Variants in LINGO2 observed in about 807,000 individuals in gnomAD.
LINGO2 encodes leucine-rich repeat and immunoglobulin-like domain-containing nogo receptor-interacting protein 2.
LINGO2 carries 14 observed loss-of-function variants against 30.6 expected under a neutral mutation model. The observed-to-expected ratio is 0.46, with a 90% confidence interval of 0.30 to 0.72. The LOEUF (loss-of-function observed/expected upper bound fraction) is 0.72. Ranked by LOEUF, LINGO2 falls within the 30% of genes least tolerant of loss-of-function variation. The pLI is 0.07. For synonymous variants in LINGO2, 317 were observed against 288.5 expected (o/e 1.10, Z -1.00); for missense variants, 729 against 751.7 (o/e 0.97, Z 0.35).
intron 2 of LINGO2, among the ~76,000 whole-genome samples, chr9:28,421,642 T>C (rs1024424450): frequency 6.6e-6 from 1 of 152,076 alleles, no homozygotes; most frequent in East Asian, 1.9e-4. Flanking sequence ...AACCCACATA[T>C]GTGAAAAGTC....
At chr9:28,244,565 T>C (rs1211708245) in intron 4 of LINGO2, among the ~76,000 whole-genome samples, 1 of 151,598 alleles carries the variant, frequency 6.6e-6, no homozygotes, top group Non-Finnish European at 1.5e-5. Flanking sequence ...GCTAAACTAA[T>C]AAAGAAGAAA....
chr9:28,105,467 A>G (rs1375625028), intron 4 of LINGO2, among the ~76,000 whole-genome samples: 4 of 152,198 alleles, frequency 2.6e-5, no homozygotes, highest in Non-Finnish European at 5.9e-5. Context: ...TAAATACACG[A>G]GTAAGAAAAA....
chr9:28,032,419 C>G (rs1204511468), intron 4 of LINGO2, among the ~76,000 whole-genome samples: 120 of 152,222 alleles, frequency 7.9e-4, no homozygotes, highest in Middle Eastern at 3.4e-3. Flanking sequence ...CTGTCTTTGT[C>G]AACATTACAT....
chr9:28,669,307 T>C (rs1399926406), intron 1 of LINGO2, among the ~76,000 whole-genome samples: 2 of 151,846 alleles, frequency 1.3e-5, no homozygotes, highest in Admixed American at 1.3e-4. Flanking sequence ...AGAAAACTTC[T>C]TTTTTTTCAG....
chr9:28,335,340 A>T (rs966014050), intron 3 of LINGO2, among the ~76,000 whole-genome samples: 6 of 152,270 alleles, frequency 3.9e-5, no homozygotes, highest in Non-Finnish European at 8.8e-5. Context: ...GTCTTCACAG[A>T]ACCCTCCAGG....
At chr9:29,095,346 G>A in the LINGO2 span, among the ~76,000 whole-genome samples, 10 of 137,794 alleles carry the variant, frequency 7.3e-5, 2 homozygotes, top group Non-Finnish European at 9.4e-5. Flanking sequence ...AAAAATAATC[G>A]CTTTTATATA....
At chr9:28,632,675 T>G (rs1827006874) in intron 1 of LINGO2, among the ~76,000 whole-genome samples, 1 of 136,768 alleles carries the variant, frequency 7.3e-6, no homozygotes, top group Admixed American at 8.0e-5. Flanking sequence ...ATAAAATATC[T>G]ATATAAAAAT....
chr9:28,921,164 A>C, the LINGO2 span, among the ~76,000 whole-genome samples: 1 of 152,194 alleles, frequency 6.6e-6, no homozygotes, highest in African/African-American at 2.4e-5. Flanking sequence ...AAAAGATGTT[A>C]AACAAAATGA....
the LINGO2 span, among the ~76,000 whole-genome samples, chr9:28,883,628 G>GTGTGTGTATGTATATATA: frequency 3.1e-5 from 2 of 64,180 alleles, no homozygotes; most frequent in African/African-American, 1.2e-4. Context: ...ATGTGTGTGT[G>GTGTGTGTATGTATATATA]TATATATATA....
At chr9:28,344,733 T>C (rs960332571) in intron 3 of LINGO2, among the ~76,000 whole-genome samples, 1 of 152,136 alleles carries the variant, frequency 6.6e-6, no homozygotes, top group Non-Finnish European at 1.5e-5. Context: ...AATATTTGTT[T>C]GAACACAGAT....
At chr9:28,418,058 A>AT (rs771205355) in intron 2 of LINGO2, among the ~76,000 whole-genome samples, 7 of 152,076 alleles carry the variant, frequency 4.6e-5, no homozygotes, top group East Asian at 1.9e-4. Context: ...GAGAGGTTCC[A>AT]TTTTTTCCCC....
chr9:28,044,630 T>C (rs1824334671), intron 4 of LINGO2, among the ~76,000 whole-genome samples: 1 of 152,028 alleles, frequency 6.6e-6, no homozygotes, highest in South Asian at 2.1e-4. Context: ...TAAAGTATGG[T>C]ATGGTAGTTC....
At chr9:28,198,214 A>T (rs1483667577) in intron 4 of LINGO2, among the ~76,000 whole-genome samples, 1 of 151,516 alleles carries the variant, frequency 6.6e-6, no homozygotes, top group Admixed American at 6.6e-5. Context: ...ATGTTTTATT[A>T]AAAAATGATG....
At chr9:28,052,826 A>C (rs1271348551) in intron 4 of LINGO2, among the ~76,000 whole-genome samples, 1 of 152,106 alleles carries the variant, frequency 6.6e-6, no homozygotes, top group African/African-American at 2.4e-5. Context: ...GTTTTCTTAC[A>C]AGGGAAGTAA....
At position 28,148,219 on chromosome 9, in the gene LINGO2, G is replaced by T. The variant is rs1442591934; in HGVS notation, c.-86-135814C>A. 27 of 724,896 alleles carry T rather than the reference G, an allele frequency of 3.7e-5. No individual in the cohort carries two copies. Among genetic ancestry groups the T allele is most frequent in the Non-Finnish European group, 5.6e-5 (26 of 461,158 alleles). The allele number at this position is 724,896 out of a possible 1,614,324, so 44.9% of individuals were successfully genotyped here. On this transcript the variant is annotated intron_variant, in intron 4 of 5. Transcript: ENST00000379992. The surrounding 1 kb of genome is among the most constrained non-coding windows in gnomAD (Gnocchi z 5.1). ...GTTGGGACGGCGCCCCTATGAGGCT[G>T]TGTCTTATCCCTCGGAACATGGGCA... is the stretch of plus-strand genomic sequence containing the variant.
chr9:28,672,750 G>GA (rs1339803028), upstream of LINGO2, among the ~76,000 whole-genome samples: 1 of 152,114 alleles, frequency 6.6e-6, no homozygotes, highest in East Asian at 1.9e-4. Flanking sequence ...TTACAATGGA[G>GA]AGAATCCTGA....
At chr9:28,616,025 G>T (rs1161571304) in intron 1 of LINGO2, among the ~76,000 whole-genome samples, 1 of 152,028 alleles carries the variant, frequency 6.6e-6, no homozygotes, top group Non-Finnish European at 1.5e-5. Context: ...TATTGATTGG[G>T]AGGCAGAGTG....
At chr9:29,050,445 A>G in the LINGO2 span, among the ~76,000 whole-genome samples, 6 of 152,278 alleles carry the variant, frequency 3.9e-5, no homozygotes, top group Non-Finnish European at 7.3e-5. Flanking sequence ...AAGATGCACA[A>G]GAAAACAAAT....
chr9:29,099,012 A>T, the LINGO2 span, among the ~76,000 whole-genome samples: 1 of 152,184 alleles, frequency 6.6e-6, no homozygotes, highest in Non-Finnish European at 1.5e-5. Context: ...AAAACAGTAT[A>T]GCACTGGCAT....
Sources: gnomAD v4.1 joint callset for allele counts (sites outside exome capture counted in the v4.1 genomes callset) on GRCh38, gnomAD v4.1.1 for gene constraint, Gnocchi (gnomAD v3.1) non-coding constraint, MANE v1.5 for transcripts, NCBI Gene and HGNC (gene_info 2026-07-23, HGNC 2026-07-21) for gene names.